Variants in DCAF8L2 observed in about 807,000 individuals in gnomAD.
The protein encoded by DCAF8L2 is DDB1 and CUL4 associated factor 8 like 2.
For synonymous variants in DCAF8L2, 200 were observed against 190.9 expected, an observed-to-expected ratio of 1.05 and a Z score of -0.39; for missense variants, 430 against 490.7, an observed-to-expected ratio of 0.88 and a Z score of 1.17.
At chrX:27,529,871 A>G in the DCAF8L2 span, among the ~76,000 whole-genome samples, 2 of 112,118 alleles carry the variant, frequency 1.8e-5, no homozygotes, top group African/African-American at 6.5e-5. Context: ...ATAACATTGT[A>G]GTCTCATGGT....
chrX:27,508,704 C>A, the DCAF8L2 span, among the ~76,000 whole-genome samples: 1 of 103,128 alleles, frequency 9.7e-6, no homozygotes, highest in Non-Finnish European at 2.0e-5. Context: ...AAGTCTCATA[C>A]TAGATGAGAT....
chrX:27,557,278 T>C, the DCAF8L2 span, among the ~76,000 whole-genome samples: 1 of 112,305 alleles, frequency 8.9e-6, no homozygotes, highest in South Asian at 3.6e-4. Context: ...TCCAACAACT[T>C]TTAGTGTAGT....
chrX:27,566,854 G>A, the DCAF8L2 span, among the ~76,000 whole-genome samples: 6 of 110,056 alleles, frequency 5.5e-5, no homozygotes, highest in Non-Finnish European at 7.6e-5. Context: ...TAAGGTAGGC[G>A]TTTATTGCTA....
the DCAF8L2 span, among the ~76,000 whole-genome samples, chrX:27,525,849 T>C: frequency 8.9e-6 from 1 of 112,102 alleles, no homozygotes; most frequent in Non-Finnish European, 1.9e-5. Context: ...ATGTTGAATA[T>C]TGGCCCCCAC....
the DCAF8L2 span, among the ~76,000 whole-genome samples, chrX:27,515,944 A>G: frequency 8.9e-6 from 1 of 112,336 alleles, no homozygotes; most frequent in Non-Finnish European, 1.9e-5. Flanking sequence ...CAAAGTTCAA[A>G]AAATATATTA....
intron 2 of DCAF8L2, among the ~76,000 whole-genome samples, chrX:27,666,183 C>G (rs1261752931): frequency 1.8e-5 from 2 of 111,976 alleles, no homozygotes; most frequent in Non-Finnish European, 3.8e-5. Context: ...ATATTACTTA[C>G]TTATGCAAGT....
At chrX:27,734,245 A>T (rs1921392729) in intron 4 of DCAF8L2, among the ~76,000 whole-genome samples, 1 of 111,451 alleles carries the variant, frequency 9.0e-6, no homozygotes, top group Admixed American at 9.6e-5. Context: ...AGAAGTAAAA[A>T]TATCGCTGTT....
At chrX:27,736,936 G>A (rs1921556653) in intron 4 of DCAF8L2, among the ~76,000 whole-genome samples, 1 of 111,507 alleles carries the variant, frequency 9.0e-6, no homozygotes, top group African/African-American at 3.3e-5. Flanking sequence ...TGAAGAAGCA[G>A]ATATGAAAAT....
intron 2 of DCAF8L2, among the ~76,000 whole-genome samples, chrX:27,670,869 A>G (rs991632824): frequency 3.6e-5 from 4 of 111,742 alleles, no homozygotes; most frequent in African/African-American, 1.3e-4. Flanking sequence ...TTCTGCCATA[A>G]GTGGAAGCAG....
chrX:27,654,949 C>T (rs1353629256), intron 2 of DCAF8L2, among the ~76,000 whole-genome samples: 2 of 110,694 alleles, frequency 1.8e-5, no homozygotes, highest in Non-Finnish European at 3.8e-5. Flanking sequence ...TTGATGAATA[C>T]GAGAAACTAG....
At chrX:27,687,918 G>A (rs1402841185) in intron 3 of DCAF8L2, among the ~76,000 whole-genome samples, 1 of 111,697 alleles carries the variant, frequency 9.0e-6, no homozygotes, top group Non-Finnish European at 1.9e-5. Context: ...TTTAATTTGA[G>A]TCTATATTTT....
chrX:27,484,215 T>G, the DCAF8L2 span, among the ~76,000 whole-genome samples: 1 of 111,734 alleles, frequency 8.9e-6, no homozygotes, highest in Non-Finnish European at 1.9e-5. Context: ...GGAAGGCATT[T>G]GTATAGTGTA....
In DCAF8L2 at chrX:27,742,609, C is replaced by A. The variant is rs528164778; in HGVS notation, c.-58-4229C>A. Among the ~76,000 whole-genome samples, 22 of 108,271 alleles carry A rather than the reference C, an allele frequency of 2.0e-4. No individual in the cohort carries two copies. In the South Asian group the frequency reaches 3.2e-3, roughly 16 times the overall value. 94.0% of individuals were successfully genotyped at this position (108,271 alleles called of 115,157 possible). A position where few individuals can be genotyped will look rare whatever the true frequency, so the allele number is the denominator to read the frequency against. On this transcript the variant is annotated intron_variant, in intron 4 of 4. Coordinates refer to ENST00000451261, the MANE Select transcript of DCAF8L2 (RefSeq NM_001353450.2). ...AACAAAAACAAACAAAAAAAAAAAA[C>A]CAAGAGAAAGAAAAAGAAAACAACT...
chrX:27,617,193 G>A (rs771734655), intron 1 of DCAF8L2, among the ~76,000 whole-genome samples: 3 of 111,320 alleles, frequency 2.7e-5, no homozygotes, highest in African/African-American at 3.3e-5. Context: ...TGACGAAGGA[G>A]TTCCTCTGTT....
chrX:27,502,849 G>A, the DCAF8L2 span, among the ~76,000 whole-genome samples: 8 of 111,085 alleles, frequency 7.2e-5, no homozygotes, highest in Non-Finnish European at 1.5e-4. Context: ...GAAATATAGG[G>A]GAAACAATAA....
rs1922381032 is a variant in DCAF8L2 at position 27,748,318 on chromosome X, G to A, written c.1423G>A (p.Val475Ile). Reference protein sequence around the residue: ...GHRNNTTVKGVNFYGPRSEFV... With the variant: ...GHRNNTTVKGINFYGPRSEFV... ...CAGAAATAATACCACAGTCAAAGGT[G>A]TTAATTTCTATGGCCCCAGGAGTGA... Residue 475 changes from valine to isoleucine, a missense_variant, in exon 5 of 5, where the codon GTT becomes ATT. Transcript: ENST00000451261. 8.3e-7 allele frequency: 1 copy of A among 1,210,033 alleles called. No homozygotes were observed. Among genetic ancestry groups the A allele is most frequent in the South Asian group, 1.8e-5 (1 of 56,694 alleles).
intron 2 of DCAF8L2, among the ~76,000 whole-genome samples, chrX:27,671,088 A>G (rs184684960): frequency 4.5e-5 from 5 of 111,581 alleles, no homozygotes; most frequent in Non-Finnish European, 7.5e-5. Flanking sequence ...AGATTACCCA[A>G]TGTGGGTTAT....
chrX:27,558,284 G>A, the DCAF8L2 span, among the ~76,000 whole-genome samples: 10,608 of 111,382 alleles, frequency 0.095, 396 homozygotes, highest in Non-Finnish European at 0.12. Flanking sequence ...TCAGGATCAG[G>A]GTCAGGTTCT....
chrX:27,536,209 T>A, the DCAF8L2 span, among the ~76,000 whole-genome samples: 1 of 112,440 alleles, frequency 8.9e-6, no homozygotes, highest in Non-Finnish European at 1.9e-5. Flanking sequence ...ACCCAACTAA[T>A]TAATAAATAA....
Sources: gnomAD v4.1 joint callset for allele counts (sites outside exome capture counted in the v4.1 genomes callset) on GRCh38, gnomAD v4.1.1 for gene constraint, MANE v1.5 for transcripts, NCBI Gene and HGNC (gene_info 2026-07-23, HGNC 2026-07-21) for gene names.